ABCA13: variants seen among roughly 807,000 people sequenced by gnomAD.
ABCA13 encodes the protein ATP binding cassette subfamily A member 13, also known as ATP-binding cassette sub-family A member 13.
In ABCA13, 476 loss-of-function variants were observed where a neutral mutation model predicts 478.7. The ratio of observed to expected loss-of-function variants is 0.99; its 90% confidence interval spans 0.92 to 1.07. The LOEUF (loss-of-function observed/expected upper bound fraction) is 1.07. Ranked by LOEUF, ABCA13 falls within the 50% of genes least tolerant of loss-of-function variation. ABCA13 has a pLI of 0.00. For missense variants in ABCA13, 6,060 were observed against 5,910.6 expected (o/e 1.03, Z -0.83); for synonymous variants, 2,252 against 2,158.9 (o/e 1.04, Z -1.20).
At chr7:48,270,218 C>T (rs1795412330) in intron 16 of ABCA13, among the ~76,000 whole-genome samples, 1 of 151,906 alleles carries the variant, frequency 6.6e-6, no homozygotes, top group African/African-American at 2.4e-5. Flanking sequence ...CCTAGTCATG[C>T]CACATAATAA....
chr7:48,300,351 A>G (rs1187107230), intron 23 of ABCA13, among the ~76,000 whole-genome samples: 1 of 152,258 alleles, frequency 6.6e-6, no homozygotes, highest in East Asian at 1.9e-4. Context: ...CATGACAGGC[A>G]TGGTCCCAAA....
At chr7:48,471,776 A>G (rs1041635169) in intron 45 of ABCA13, among the ~76,000 whole-genome samples, 177 bp downstream of exon 45, 35 of 152,344 alleles carry the variant, frequency 2.3e-4, no homozygotes, top group African/African-American at 8.2e-4. Context: ...TATAGAACAC[A>G]GATGCTGTAT....
At chr7:48,559,517 G>A (rs58077564) in intron 55 of ABCA13, among the ~76,000 whole-genome samples, 21,023 of 151,886 alleles carry the variant, frequency 0.14, 1,820 homozygotes, top group African/African-American at 0.23. Flanking sequence ...TACCATAAGC[G>A]CTCCACCCCA....
Position 48,524,430 on chromosome 7 carries a change from C to T in ABCA13, c.14234C>T (p.Pro4745Leu). ...IAVQDISLGI[P>L]KGECFGLLGV... ...GTGCAAGATATTAGTTTGGGCATAC[C>T]AAAAGGAGAGGTAATGAAGCTTCTA... is the stretch of plus-strand genomic sequence containing the variant. Residue 4745 changes from proline (P) to leucine (L), a missense_variant, in exon 54 of 62, where the codon CCA (proline) becomes CTA (leucine). Around this residue, in one of 3 missense-constraint regions of ABCA13, gnomAD observed 1,627 missense variants for 1,571.0 expected, o/e 1.04. Transcript: ENST00000435803. 6.2e-7 allele frequency: 1 copy of T among 1,603,846 alleles called. No individual in the cohort carries two copies. Among genetic ancestry groups the T allele is most frequent in the South Asian group, 1.1e-5 (1 of 88,524 alleles).
intron 32 of ABCA13, 150 bp from the exon 33 acceptor site, chr7:48,372,018 A>G: frequency 1.5e-6 from 1 of 667,228 alleles, no homozygotes; most frequent in South Asian, 2.4e-5. Context: ...TTGAGGAGGC[A>G]ATGTCCTTCC....
intron 40 of ABCA13, among the ~76,000 whole-genome samples, chr7:48,410,973 TTTTCTCTTTCTTTCTTTCTTTC>T (rs1563207508): frequency 2.7e-5 from 4 of 150,006 alleles, no homozygotes; most frequent in African/African-American, 9.9e-5. Flanking sequence ...CTAGAAATTC[TTTTCTCTTTCTTTCTTTCTTTC>T]TTTCTTTCTT....
intron 56 of ABCA13, among the ~76,000 whole-genome samples, chr7:48,581,834 TG>T (rs1449695236): frequency 1.4e-4 from 21 of 152,366 alleles, no homozygotes; most frequent in Middle Eastern, 6.8e-3. Context: ...TGCACACTTT[TG>T]CATCTGTTTC....
At chr7:48,355,808 T>G (rs1809808699) in intron 31 of ABCA13, among the ~76,000 whole-genome samples, 1 of 151,960 alleles carries the variant, frequency 6.6e-6, no homozygotes, top group African/African-American at 2.4e-5. Flanking sequence ...GAATTATCTC[T>G]AACTATAATA....
intron 1 of ABCA13, among the ~76,000 whole-genome samples, chr7:48,179,646 GCT>G (rs1392624508): frequency 6.6e-6 from 1 of 152,152 alleles, no homozygotes; most frequent in African/African-American, 2.4e-5. Context: ...GAGGCACGGT[GCT>G]CTGTCCCGGA....
At chr7:48,395,679 C>A (rs913177512) in intron 38 of ABCA13, among the ~76,000 whole-genome samples, 15 of 152,172 alleles carry the variant, frequency 9.9e-5, no homozygotes, top group African/African-American at 3.6e-4. Flanking sequence ...TGATCCACTT[C>A]TAGTTAGACA....
At chr7:48,581,099 C>T (rs1378080546) in intron 56 of ABCA13, among the ~76,000 whole-genome samples, 2 of 152,178 alleles carry the variant, frequency 1.3e-5, no homozygotes, top group African/African-American at 2.4e-5. Context: ...ACCTTTTCTG[C>T]ACCTCATTAT....
At position 48,229,887 on chromosome 7, in the gene ABCA13, C is replaced by T; in HGVS notation, c.695C>T (p.Ser232Phe). The T allele has an allele frequency of 6.2e-7, 1 of 1,614,020 alleles. No individual in the cohort carries two copies. The highest frequency in any genetic ancestry group is 1.3e-5 in the African/African-American group (1 of 75,060). ...LPLNQTFSQVSELVLNVTIST... is the reference protein window; with the variant it reads ...LPLNQTFSQVFELVLNVTIST... ...CTCAACCAAACTTTTTCCCAGGTTT[C>T]TGAACTTGTACTGAATGTGACCATT... Residue 232 changes from serine (S) to phenylalanine (F), a missense_variant, in exon 7 of 62, where the codon TCT (serine) becomes TTT (phenylalanine). Ser to Phe is a radical substitution (Grantham distance 155). This residue lies in a region of ABCA13 where 4,423 missense variants were observed against 4,309.1 expected (regional missense o/e 1.03). Transcript: ENST00000435803.
intron 43 of ABCA13, among the ~76,000 whole-genome samples, chr7:48,460,211 G>A (rs189821335): frequency 6.9e-4 from 105 of 152,308 alleles, no homozygotes; most frequent in Non-Finnish European, 1.1e-3. Context: ...TAGCATGCCA[G>A]CAGAAACTGG....
chr7:48,226,269 A>G (rs1169059825), intron 5 of ABCA13, among the ~76,000 whole-genome samples: 2 of 152,142 alleles, frequency 1.3e-5, no homozygotes, highest in Non-Finnish European at 2.9e-5. Flanking sequence ...ATTACTGAGA[A>G]TGGTGGCTGA....
At chr7:48,328,791 T>G (rs1268454643) in intron 27 of ABCA13, among the ~76,000 whole-genome samples, 1 of 152,018 alleles carries the variant, frequency 6.6e-6, no homozygotes, top group African/African-American at 2.4e-5. Context: ...ATGCTCAAAC[T>G]TAATAGTAAG....
At chr7:48,285,120 C>G (rs1022965942) in intron 19 of ABCA13, among the ~76,000 whole-genome samples, 5 of 152,142 alleles carry the variant, frequency 3.3e-5, no homozygotes, top group African/African-American at 9.7e-5. Context: ...TCCAGTTTCC[C>G]TAATTGACGA....
rs906878400 is a variant in ABCA13 at position 48,255,674 on chromosome 7, A to G, written c.2005+6323A>G. On this transcript the variant is annotated intron_variant, in intron 15 of 61. Coordinates refer to ENST00000435803, the MANE Select transcript of ABCA13 (RefSeq NM_152701.5). Reference sequence around the variant, plus strand: ...TTATGGCTGTGTAGTGTTTCATGGGAGTATATGTACCACCTTTTCTTTATC... The same window carrying G: ...TTATGGCTGTGTAGTGTTTCATGGGGGTATATGTACCACCTTTTCTTTATC... Among the ~76,000 whole-genome samples, 7 of 152,002 alleles carry G rather than the reference A, an allele frequency of 4.6e-5. No individual in the cohort carries two copies. The East Asian group carries it at 1.3e-3, about 29-fold the overall frequency.
At chr7:48,383,910 T>G (rs1053665738) in intron 35 of ABCA13, among the ~76,000 whole-genome samples, 1 of 152,244 alleles carries the variant, frequency 6.6e-6, no homozygotes, top group Non-Finnish European at 1.5e-5. Flanking sequence ...GCTCAACATT[T>G]CATTAAATGA....
rs1485477764 is a variant in ABCA13, at chr7:48,204,169, A to G, written c.287+5809A>G. On this transcript the variant is annotated intron_variant, in intron 3 of 61. Transcript: ENST00000435803. Reference sequence around the variant, plus strand: ...TTCTTGTTGCCCACGCTGGAGTGATATGATGAGATCTCGGCTCACCCCAAC... The same window carrying G: ...TTCTTGTTGCCCACGCTGGAGTGATGTGATGAGATCTCGGCTCACCCCAAC... 5.5e-5 allele frequency among the ~76,000 whole-genome samples: 8 copies of G among 145,214 alleles called. No homozygotes were observed. In the East Asian group the frequency reaches 1.6e-3, roughly 30 times the overall value.
Sources: allele counts gnomAD v4.1 joint callset (sites outside exome capture counted in the v4.1 genomes callset), GRCh38; gene constraint gnomAD v4.1.1; regional missense constraint gnomAD v4.1.1; transcripts MANE v1.5; gene names NCBI Gene and HGNC (gene_info 2026-07-23, HGNC 2026-07-21).